ARHGAP28: variants seen among roughly 807,000 people sequenced by gnomAD.
ARHGAP28 encodes Rho GTPase activating protein 28, also known as rho GTPase-activating protein 28.
Under a neutral mutation model 90.7 loss-of-function variants are expected in ARHGAP28, and 56 were observed. The observed-to-expected ratio is 0.62, with a 90% CI of 0.50 to 0.77. The LOEUF is 0.77. Ranked by LOEUF, ARHGAP28 falls within the 30% of genes least tolerant of loss-of-function variation. ARHGAP28 has a pLI of 0.00. For missense variants in ARHGAP28, 869 were observed against 900.9 expected, an observed-to-expected ratio of 0.96 and a Z score of 0.45; for synonymous variants, 308 against 323.3, an observed-to-expected ratio of 0.95 and a Z score of 0.51.
At chr18:6,849,228 A>G (rs1389230902) in intron 3 of ARHGAP28, among the ~76,000 whole-genome samples, 1 of 146,654 alleles carries the variant, frequency 6.8e-6, no homozygotes, top group African/African-American at 2.5e-5. Flanking sequence ...GTTAAACTCC[A>G]GACTGGGTGA....
At chr18:6,741,971 G>T (rs940148524) in intron 1 of ARHGAP28, among the ~76,000 whole-genome samples, 5 of 152,136 alleles carry the variant, frequency 3.3e-5, no homozygotes, top group Non-Finnish European at 5.9e-5. Context: ...AAGAGCTGGA[G>T]AAATGGTTTA....
At chr18:6,898,638 C>T (rs1600302350) in intron 16 of ARHGAP28, 1 of 1,536,198 alleles carries the variant, frequency 6.5e-7, no homozygotes, top group Non-Finnish European at 8.7e-7. Context: ...CTTTTAGTTA[C>T]ATATACTACA....
At chr18:6,850,002 G>A (rs777411649) in intron 3 of ARHGAP28, among the ~76,000 whole-genome samples, 23 of 151,734 alleles carry the variant, frequency 1.5e-4, no homozygotes, top group East Asian at 3.9e-4. Context: ...CTTATTTTCC[G>A]TATATTTTTT....
chr18:6,875,968 G>A (rs928903804), intron 9 of ARHGAP28, among the ~76,000 whole-genome samples, 163 bp from the exon 10 acceptor site: 42 of 152,138 alleles, frequency 2.8e-4, no homozygotes, highest in Non-Finnish European at 5.1e-4. Context: ...GGAGGATAAC[G>A]TTGACGTCAT....
chr18:6,886,412 A>G (rs971844381), intron 11 of ARHGAP28, among the ~76,000 whole-genome samples: 9 of 152,162 alleles, frequency 5.9e-5, no homozygotes, highest in African/African-American at 2.2e-4. Context: ...CTGAGTATAA[A>G]TGCCAACCCT....
intron 1 of ARHGAP28, among the ~76,000 whole-genome samples, chr18:6,804,618 A>G (rs1275051308): frequency 6.6e-6 from 1 of 152,188 alleles, no homozygotes; most frequent in Non-Finnish European, 1.5e-5. Context: ...GTACATTTTT[A>G]ATACTTTTAC....
chr18:6,777,438 C>T (rs991720276), intron 1 of ARHGAP28, among the ~76,000 whole-genome samples: 2 of 152,102 alleles, frequency 1.3e-5, no homozygotes, highest in East Asian at 1.9e-4. Flanking sequence ...CAAAGATTTG[C>T]GAGGCTGGGC....
At chr18:6,847,630 GGTGTGT>G (rs60063372) in intron 3 of ARHGAP28, among the ~76,000 whole-genome samples, 1 of 150,298 alleles carries the variant, frequency 6.7e-6, no homozygotes, top group African/African-American at 2.4e-5. Context: ...AGAGAGTGGG[GGTGTGT>G]GTGTGTGTGT....
rs775150798 is a variant in ARHGAP28 at position 6,837,352 on chromosome 18, A to AG, written c.483dup (p.Lys162GlufsTer4). The AG allele has an allele frequency of 4.3e-6, 7 of 1,613,724 alleles. No homozygotes were observed. Among genetic ancestry groups the AG allele is most frequent in the Non-Finnish European group, 5.9e-6 (7 of 1,180,006 alleles). Reference sequence around the variant, plus strand: ...ATACCATACCTATACCCAAACCATGAGGAAAAAGGATAAGCAATCTATCAG... The same window carrying AG: ...ATACCATACCTATACCCAAACCATGAGGGAAAAAGGATAAGCAATCTATCAG... On this transcript the variant is annotated frameshift_variant, in exon 3 of 18. Coordinates refer to ENST00000383472, the MANE Select transcript of ARHGAP28 (RefSeq NM_001366230.1). LOFTEE classifies it high-confidence loss of function.
intron 1 of ARHGAP28, among the ~76,000 whole-genome samples, chr18:6,810,128 C>G (rs745467097): frequency 6.6e-5 from 10 of 152,114 alleles, no homozygotes; most frequent in Non-Finnish European, 1.5e-4. Flanking sequence ...CTGCCTTTAT[C>G]TCTGTATGAA....
At chr18:6,761,871 T>C (rs983346642) in intron 1 of ARHGAP28, among the ~76,000 whole-genome samples, 3 of 152,166 alleles carry the variant, frequency 2.0e-5, no homozygotes, top group Non-Finnish European at 2.9e-5. Flanking sequence ...TGTAAGAAGA[T>C]GTATGACAAT....
chr18:6,874,199 T>C (rs968242710), intron 9 of ARHGAP28, among the ~76,000 whole-genome samples: 1 of 152,256 alleles, frequency 6.6e-6, no homozygotes, highest in Non-Finnish European at 1.5e-5. Context: ...TGCTGAGATA[T>C]AGCATAGGCT....
chr18:6,813,301 T>G (rs1162274020), intron 1 of ARHGAP28, among the ~76,000 whole-genome samples: 1 of 152,236 alleles, frequency 6.6e-6, no homozygotes, highest in Non-Finnish European at 1.5e-5. Context: ...TAGTGAATAG[T>G]GCTGATACAC....
At chr18:6,766,706 A>G (rs1357239493) in intron 1 of ARHGAP28, among the ~76,000 whole-genome samples, 1 of 152,054 alleles carries the variant, frequency 6.6e-6, no homozygotes, top group Non-Finnish European at 1.5e-5. Flanking sequence ...TCAGATCTTC[A>G]GTCATGTTTG....
chr18:6,764,141 G>A (rs1277728606), intron 1 of ARHGAP28, among the ~76,000 whole-genome samples: 1 of 152,074 alleles, frequency 6.6e-6, no homozygotes, highest in African/African-American at 2.4e-5. Context: ...TGAAATGAAG[G>A]GCAGTAGCTC....
At chr18:6,823,601 ATTTT>A (rs141094607) in intron 1 of ARHGAP28, among the ~76,000 whole-genome samples, 9 of 130,058 alleles carry the variant, frequency 6.9e-5, no homozygotes, top group African/African-American at 2.0e-4. Context: ...GTGGCTCTTA[ATTTT>A]TTTTTTTTTT....
At position 6,913,978 on chromosome 18, in the gene ARHGAP28, A is replaced by G. The variant is rs2057411788; in HGVS notation, c.*1824A>G. On this transcript the variant is annotated 3_prime_UTR_variant, in exon 18 of 18. Transcript: ENST00000383472. ...AAACGGCAGTAATTTATGACCACGTATGGAAGAAATTCTTCAAATAGCTAC... is the reference window on the plus strand; with the variant it reads ...AAACGGCAGTAATTTATGACCACGTGTGGAAGAAATTCTTCAAATAGCTAC... The G allele has an allele frequency of 1.3e-5, 2 of 152,200 alleles. No individual in the cohort carries two copies. The highest frequency in any genetic ancestry group is 2.1e-4 in the South Asian group (1 of 4,830). The allele number at this position is 152,200 out of a possible 1,614,324, so 9.4% of individuals were successfully genotyped here. A position where few individuals can be genotyped will look rare whatever the true frequency, so the allele number is the denominator to read the frequency against.
In ARHGAP28 at chr18:6,816,401, C is replaced by G. The variant is rs148847753; in HGVS notation, c.123-8361C>G. 2.0e-5 allele frequency among the ~76,000 whole-genome samples: 3 copies of G among 152,314 alleles called. No homozygotes were observed. The East Asian group carries it at 5.8e-4, about 29-fold the overall frequency. Reference sequence around the variant, plus strand: ...CTTCTGAGGAAGCTAAAAGGGCAGACAGCTGTGGAACTGGACTGTGCCAGG... The same window carrying G: ...CTTCTGAGGAAGCTAAAAGGGCAGAGAGCTGTGGAACTGGACTGTGCCAGG... On this transcript the variant is annotated intron_variant, in intron 1 of 17. Transcript: ENST00000383472.
At chr18:6,902,339 T>C (rs1299481046) in intron 16 of ARHGAP28, among the ~76,000 whole-genome samples, 1 of 152,190 alleles carries the variant, frequency 6.6e-6, no homozygotes, top group Non-Finnish European at 1.5e-5. Flanking sequence ...GTGTAGGGCA[T>C]ATGGGATCTG....
Sources: gnomAD v4.1 joint callset for allele counts (sites outside exome capture counted in the v4.1 genomes callset) on GRCh38, gnomAD v4.1.1 for gene constraint, MANE v1.5 for transcripts, NCBI Gene and HGNC (gene_info 2026-07-23, HGNC 2026-07-21) for gene names.